Variants in ARL1 observed in about 807,000 individuals in gnomAD.
The protein encoded by ARL1 is ADP-ribosylation factor-like protein 1.
Under a neutral mutation model 30.1 loss-of-function variants are expected in ARL1, and 17 were observed. The ratio of observed to expected loss-of-function variants is 0.56; its 90% CI spans 0.39 to 0.85. ARL1 has a LOEUF of 0.85. ARL1 is among the 40% of genes least tolerant of loss of function. The pLI is 0.00. For missense variants in ARL1, 102 were observed against 212.6 expected, an observed-to-expected ratio of 0.48 and a Z score of 3.24; for synonymous variants, 58 against 71.7, an observed-to-expected ratio of 0.81 and a Z score of 0.97.
At chr12:101,407,786 T>A (rs1871492571), upstream of ARL1, 1 of 1,232,878 alleles carries the variant, frequency 8.1e-7, no homozygotes, top group Non-Finnish European at 1.2e-6. Flanking sequence ...GAGGGTCAGC[T>A]GCGACTGCGC....
chr12:101,400,933 A>G, intron 4 of ARL1, 129 bp downstream of exon 4: 1 of 670,338 alleles, frequency 1.5e-6, no homozygotes, highest in Non-Finnish European at 2.5e-6. Context: ...GGAATAGAAA[A>G]TCATTTCCAT....
In ARL1 at chr12:101,396,566, C is replaced by A. The variant is rs774078652; in HGVS notation, c.348G>T (p.Leu116=). 3 of 1,611,214 alleles carry A rather than the reference C, an allele frequency of 1.9e-6. No homozygotes were observed. The highest frequency in any genetic ancestry group is 2.5e-6 in the Non-Finnish European group (3 of 1,177,866). Residue 116 remains leucine, a synonymous_variant, in exon 5 of 6, where the codon CTG becomes CTT. Transcript: ENST00000261636. ...CAAACACCACTAAAATGGCTTTTCT[C>A]AGCTCTTCTTCCTAAATGAAATTGA... The part of the protein sequence containing the change: ...ELVAMLEEEE[L]RKAILVVFAN...
chr12:101,403,233 A>G (rs1871351194), intron 2 of ARL1: 1 of 466,174 alleles, frequency 2.1e-6, no homozygotes, highest in Non-Finnish European at 4.2e-6. Context: ...CATCTTCAGG[A>G]TATTTTTTAA....
chr12:101,396,704 G>A, intron 4 of ARL1, 127 bp from the exon 5 acceptor site: 1 of 677,198 alleles, frequency 1.5e-6, no homozygotes, highest in Admixed American at 3.5e-5. Flanking sequence ...AAATTATATA[G>A]AAATTATATA....
At chr12:101,406,797 T>C (rs960916040) in intron 1 of ARL1, among the ~76,000 whole-genome samples, 3 of 152,194 alleles carry the variant, frequency 2.0e-5, no homozygotes, top group African/African-American at 7.2e-5. Flanking sequence ...AAGTCCTTTC[T>C]ACCATTTACA....
At chr12:101,396,605 C>T (rs760673081) in intron 4 of ARL1, 28 bp from the exon 5 acceptor site, 52 of 1,588,306 alleles carry the variant, frequency 3.3e-5, no homozygotes, top group Non-Finnish European at 4.4e-5. Context: ...TATTTAATTT[C>T]TTTTAACTAA....
chr12:101,407,309 A>T (rs1871472487), intron 1 of ARL1: 1 of 334,922 alleles, frequency 3.0e-6, no homozygotes, highest in South Asian at 1.5e-4. Context: ...CCTCCGCAAG[A>T]ACAACTCTGC....
At chr12:101,402,480 C>T (rs1871332675) in intron 3 of ARL1, among the ~76,000 whole-genome samples, 1 of 152,230 alleles carries the variant, frequency 6.6e-6, no homozygotes, top group Non-Finnish European at 1.5e-5. Context: ...AGCTACCATG[C>T]CCGGCCAATG....
At chr12:101,401,201 T>G in intron 3 of ARL1, 28 bp from the exon 4 acceptor site, 1 of 1,475,448 alleles carries the variant, frequency 6.8e-7, no homozygotes, top group Non-Finnish European at 9.4e-7. Context: ...GGGGAGAACA[T>G]ATTGTTATTG....
At chr12:101,407,589 C>T in intron 1 of ARL1, 53 bp downstream of exon 1, 2 of 1,605,246 alleles carry the variant, frequency 1.2e-6, no homozygotes, top group South Asian at 2.2e-5. Context: ...GCACCCCAGC[C>T]CTCGGCCGCG....
rs77890876 is a variant in ARL1, at chr12:101,406,717, G to A, written c.5-736C>T. Among the ~76,000 whole-genome samples the A allele has an allele frequency of 9.9e-3, 1,502 of 152,330 alleles. 11 individuals carry two copies. The highest frequency in any genetic ancestry group is 0.027 in the Middle Eastern group (8 of 294). ...GACATGGCATAACTAAGAGCTGCGAGTTGAAAAATGAACAACACCATGGGC... is the reference window on the plus strand; with the variant it reads ...GACATGGCATAACTAAGAGCTGCGAATTGAAAAATGAACAACACCATGGGC... On this transcript the variant is annotated intron_variant, in intron 1 of 5. Coordinates refer to ENST00000261636, the MANE Select transcript of ARL1 (RefSeq NM_001177.6).
chr12:101,396,378 T>C, intron 5 of ARL1, 21 bp downstream of exon 5: 1 of 1,613,998 alleles, frequency 6.2e-7, no homozygotes, highest in Non-Finnish European at 8.5e-7. Context: ...CACAGATGGC[T>C]TCTGGAAGCA....
In ARL1 at chr12:101,403,514, T is replaced by C. The variant is rs191792766; in HGVS notation, c.143-568A>G. On this transcript the variant is annotated intron_variant, in intron 2 of 5. Transcript: ENST00000261636. ...TAAACTTCAGTTCTAAACTACAGCA[T>C]GGACACAGCCATGGCTGCAGCTTTC... The C allele has an allele frequency of 1.5e-5, 3 of 198,918 alleles. No homozygotes were observed. The Admixed American group carries it at 1.8e-4, about 12-fold the overall frequency. 12.3% of individuals were successfully genotyped at this position (198,918 alleles called of 1,614,324 possible).
chr12:101,399,449 T>G (rs1442908196), intron 4 of ARL1, among the ~76,000 whole-genome samples: 1 of 144,548 alleles, frequency 6.9e-6, no homozygotes, highest in Admixed American at 7.1e-5. Context: ...GAGGCGAAAA[T>G]TGTAGTGAGT....
chr12:101,402,047 G>A (rs747579505), intron 3 of ARL1, among the ~76,000 whole-genome samples: 3 of 152,130 alleles, frequency 2.0e-5, no homozygotes, highest in African/African-American at 4.8e-5. Context: ...AGAATGTTTG[G>A]AGAATGCATT....
chr12:101,406,812 G>T (rs1871455603), intron 1 of ARL1, among the ~76,000 whole-genome samples: 1 of 152,208 alleles, frequency 6.6e-6, no homozygotes. Flanking sequence ...TTTACAGGTA[G>T]AAGAGAGGCG....
chr12:101,404,895 T>C (rs566975495), intron 2 of ARL1, among the ~76,000 whole-genome samples: 6 of 152,222 alleles, frequency 3.9e-5, no homozygotes, highest in East Asian at 1.9e-4. Flanking sequence ...TTTTGAGACC[T>C]AGTTTTGCTC....
intron 4 of ARL1, 73 bp from the exon 5 acceptor site, chr12:101,396,650 AC>A: frequency 8.4e-7 from 1 of 1,190,832 alleles, no homozygotes; most frequent in Admixed American, 2.2e-5. Context: ...GTCCAAAAAT[AC>A]ATTTTAAACG....
chr12:101,406,375 C>CA (rs1565816728), intron 1 of ARL1, among the ~76,000 whole-genome samples: 1 of 152,160 alleles, frequency 6.6e-6, no homozygotes, highest in Non-Finnish European at 1.5e-5. Context: ...AGGAAAAGTA[C>CA]TGTACAGCAG....
Sources: gnomAD v4.1 joint callset for allele counts (sites outside exome capture counted in the v4.1 genomes callset) on GRCh38, gnomAD v4.1.1 for gene constraint, MANE v1.5 for transcripts, NCBI Gene and HGNC (gene_info 2026-07-23, HGNC 2026-07-21) for gene names.